The following RAD51B variants were observed in gnomAD, a reference collection of about 807,000 sequenced individuals.
The protein encoded by RAD51B is DNA repair protein RAD51 homolog 2.
RAD51B carries 38 observed loss-of-function variants against 42.2 expected under a neutral mutation model. The ratio of observed to expected loss-of-function variants is 0.90; its 90% CI spans 0.70 to 1.18. The LOEUF is 1.18. RAD51B is among the 50% of genes most tolerant of loss of function. The pLI, the probability that RAD51B is intolerant of heterozygous loss-of-function variation, is 0.00. For missense variants in RAD51B, 373 were observed against 400.7 expected (o/e 0.93, Z 0.59); for synonymous variants, 154 against 145.2 (o/e 1.06, Z -0.43).
intron 7 of RAD51B, among the ~76,000 whole-genome samples, chr14:67,943,916 A>T (rs2045293031): frequency 6.6e-6 from 1 of 152,190 alleles, no homozygotes; most frequent in Non-Finnish European, 1.5e-5. Flanking sequence ...ATAGGTATAG[A>T]TATAGATAGT....
chr14:68,059,260 A>G (rs548538384), intron 7 of RAD51B, among the ~76,000 whole-genome samples: 2 of 152,312 alleles, frequency 1.3e-5, no homozygotes, highest in African/African-American at 4.8e-5. Flanking sequence ...TCCGTTAAAA[A>G]AATTCTCCCT....
intron 10 of RAD51B, among the ~76,000 whole-genome samples, chr14:68,529,387 A>T (rs570522069): frequency 2.0e-5 from 3 of 152,288 alleles, no homozygotes; most frequent in Admixed American, 6.5e-5. Context: ...TGGTACAGAC[A>T]GGGTTTCGCC....
At chr14:68,168,765 A>G (rs890162598) in intron 7 of RAD51B, among the ~76,000 whole-genome samples, 1 of 152,158 alleles carries the variant, frequency 6.6e-6, no homozygotes, top group Non-Finnish European at 1.5e-5. Context: ...CTTTTCAAAA[A>G]TAGGTTAATT....
chr14:68,345,824 C>G (rs2082666915), intron 8 of RAD51B, among the ~76,000 whole-genome samples: 1 of 152,170 alleles, frequency 6.6e-6, no homozygotes, highest in African/African-American at 2.4e-5. Context: ...CCACGCCCAG[C>G]TAATTTTTGT....
chr14:68,426,213 C>T (rs1035996819), intron 9 of RAD51B, among the ~76,000 whole-genome samples: 18 of 151,194 alleles, frequency 1.2e-4, no homozygotes, highest in African/African-American at 3.7e-4. Context: ...GGATTACAGG[C>T]GCCCACCACC....
chr14:67,826,048 G>A (rs1166908074), intron 3 of RAD51B, among the ~76,000 whole-genome samples: 1 of 152,140 alleles, frequency 6.6e-6, no homozygotes, highest in East Asian at 1.9e-4. Flanking sequence ...AAAAATTTAT[G>A]TAGTTTATAA....
intron 9 of RAD51B, among the ~76,000 whole-genome samples, chr14:68,425,813 A>G (rs1027690171): frequency 3.3e-5 from 5 of 152,338 alleles, no homozygotes; most frequent in Admixed American, 1.3e-4. Context: ...TTAGATTGCT[A>G]TAAATGGAGT....
intron 11 of RAD51B, among the ~76,000 whole-genome samples, chr14:68,651,317 C>T (rs1451534640): frequency 2.6e-5 from 4 of 152,128 alleles, no homozygotes; most frequent in Non-Finnish European, 5.9e-5. Flanking sequence ...GGACTACAGG[C>T]GTCTGCCTCC....
intron 8 of RAD51B, among the ~76,000 whole-genome samples, chr14:68,400,499 A>G (rs1347803416): frequency 6.6e-6 from 1 of 152,204 alleles, no homozygotes; most frequent in Non-Finnish European, 1.5e-5. Context: ...TGGTCAAAAA[A>G]TGAGATGGTG....
intron 10 of RAD51B, among the ~76,000 whole-genome samples, chr14:68,576,407 A>G (rs748780904): frequency 6.6e-6 from 1 of 152,142 alleles, no homozygotes; most frequent in Non-Finnish European, 1.5e-5. Context: ...GCCACCCCCA[A>G]CCCAGAGGAC....
intron 7 of RAD51B, among the ~76,000 whole-genome samples, chr14:68,155,997 A>G (rs1035538392): frequency 1.3e-5 from 2 of 152,216 alleles, no homozygotes; most frequent in African/African-American, 2.4e-5. Flanking sequence ...GAACTAGATA[A>G]TATCTTGGAA....
At chr14:68,532,676 A>C (rs1236776446) in intron 10 of RAD51B, among the ~76,000 whole-genome samples, 2 of 152,198 alleles carry the variant, frequency 1.3e-5, no homozygotes, top group African/African-American at 4.8e-5. Flanking sequence ...GCTAACCCTT[A>C]TGTTACACAA....
chr14:68,093,161 C>CT (rs1410051465), intron 7 of RAD51B, among the ~76,000 whole-genome samples: 2 of 150,846 alleles, frequency 1.3e-5, no homozygotes, highest in East Asian at 1.9e-4. Context: ...CTAAAATTCT[C>CT]TTTTTTTGTT....
chr14:68,484,402 G>C (rs535640783), intron 10 of RAD51B, among the ~76,000 whole-genome samples: 2 of 140,552 alleles, frequency 1.4e-5, no homozygotes, highest in African/African-American at 5.5e-5. Context: ...CTGTCGCCCA[G>C]GCTGGAGTAC....
intron 7 of RAD51B, among the ~76,000 whole-genome samples, chr14:68,094,749 C>G (rs1054752540): frequency 1.3e-5 from 2 of 152,020 alleles, no homozygotes; most frequent in African/African-American, 2.4e-5. Flanking sequence ...GAGATGACCT[C>G]CTAATAGGTT....
At chr14:68,651,544 A>G (rs1892698534) in intron 11 of RAD51B, among the ~76,000 whole-genome samples, 1 of 152,150 alleles carries the variant, frequency 6.6e-6, no homozygotes, top group Non-Finnish European at 1.5e-5. Flanking sequence ...GTTCTGGATA[A>G]CTGAGGTTTT....
At chr14:68,347,031 C>G (rs1392160883) in intron 8 of RAD51B, among the ~76,000 whole-genome samples, 1 of 152,140 alleles carries the variant, frequency 6.6e-6, no homozygotes, top group African/African-American at 2.4e-5. Flanking sequence ...CACACTTCAC[C>G]CTTAGGAAGA....
chr14:68,351,114 A>G (rs1188806091), intron 8 of RAD51B, among the ~76,000 whole-genome samples: 2 of 152,206 alleles, frequency 1.3e-5, no homozygotes, highest in Non-Finnish European at 2.9e-5. Flanking sequence ...AGTAAGACAT[A>G]GACCCTGCCC....
intron 7 of RAD51B, among the ~76,000 whole-genome samples, chr14:67,898,305 G>A (rs557856881): frequency 6.6e-6 from 1 of 152,248 alleles, no homozygotes; most frequent in Non-Finnish European, 1.5e-5. Flanking sequence ...AAGACATTAC[G>A]CTAAATGAGA....
Sources: allele counts gnomAD v4.1 joint callset (sites outside exome capture counted in the v4.1 genomes callset), GRCh38; gene constraint gnomAD v4.1.1; transcripts MANE v1.5; gene names NCBI Gene and HGNC (gene_info 2026-07-23, HGNC 2026-07-21).